Variants in SYNPO2 observed in about 807,000 individuals in gnomAD.
SYNPO2 encodes the protein synaptopodin-2.
In SYNPO2, 56 loss-of-function variants were observed where a neutral mutation model predicts 85.0. The observed-to-expected ratio is 0.66, with a 90% CI of 0.53 to 0.82. SYNPO2 has a LOEUF of 0.82. SYNPO2 is among the 40% of genes least tolerant of loss of function. The pLI is 0.00. For missense variants in SYNPO2, 1,575 were observed against 1,534.2 expected (o/e 1.03, Z -0.44); for synonymous variants, 602 against 591.1 (o/e 1.02, Z -0.27).
In SYNPO2 at chr4:119,008,461, C is replaced by T. The variant is rs570081047; in HGVS notation, c.106-14969C>T. ...TTTTTTTTTTTTTTCCTTGGCAAAG[C>T]AAGCTTTGAATGAAATGTCTTAGCA... is the stretch of plus-strand genomic sequence containing the variant. On this transcript the variant is annotated intron_variant, in intron 1 of 4. Coordinates refer to ENST00000307142, the MANE Select transcript of SYNPO2 (RefSeq NM_133477.3). 2.7e-5 allele frequency among the ~76,000 whole-genome samples: 4 copies of T among 150,070 alleles called. No homozygotes were observed. The East Asian group carries it at 5.8e-4, about 22-fold the overall frequency.
chr4:118,953,535 G>T (rs552944474), intron 1 of SYNPO2, among the ~76,000 whole-genome samples: 1 of 151,570 alleles, frequency 6.6e-6, no homozygotes, highest in South Asian at 2.1e-4. Context: ...AGTGGCAGAG[G>T]TATTATCAAC....
At chr4:118,919,793 G>A (rs1441921643) in intron 1 of SYNPO2, among the ~76,000 whole-genome samples, 1 of 152,190 alleles carries the variant, frequency 6.6e-6, no homozygotes, top group Non-Finnish European at 1.5e-5. Flanking sequence ...AGCACGATCT[G>A]TTAAAGAGAC....
At chr4:119,056,453 A>G (rs1382526877) in intron 4 of SYNPO2, among the ~76,000 whole-genome samples, 1 of 152,100 alleles carries the variant, frequency 6.6e-6, no homozygotes, top group Non-Finnish European at 1.5e-5. Context: ...ATTACTTGGG[A>G]GGCTGAGGCA....
chr4:118,893,326 T>C (rs531352200), intron 1 of SYNPO2, among the ~76,000 whole-genome samples: 1 of 152,332 alleles, frequency 6.6e-6, no homozygotes, highest in South Asian at 2.1e-4. Flanking sequence ...ACTTTGCCAT[T>C]AGCTGGACGT....
At chr4:118,921,240 G>A (rs141740400) in intron 1 of SYNPO2, among the ~76,000 whole-genome samples, 22 of 152,032 alleles carry the variant, frequency 1.4e-4, no homozygotes, top group African/African-American at 4.3e-4. Flanking sequence ...CTTAAATGTT[G>A]GTATTCTGTA....
chr4:118,923,310 A>C (rs1400429904), intron 1 of SYNPO2, among the ~76,000 whole-genome samples: 1 of 152,100 alleles, frequency 6.6e-6, no homozygotes. Flanking sequence ...ACCAAATATC[A>C]TATGTTCCCA....
At chr4:118,949,700 G>T (rs928227457) in intron 1 of SYNPO2, among the ~76,000 whole-genome samples, 2 of 151,978 alleles carry the variant, frequency 1.3e-5, no homozygotes, top group East Asian at 1.9e-4. Context: ...AGTGAGCCCA[G>T]ATCAAGCCAC....
rs202033187 is a variant in SYNPO2, at chr4:119,030,666, G to A, written c.1891G>A (p.Ala631Thr). 4.3e-6 allele frequency: 7 copies of A among 1,614,084 alleles called. No homozygotes were observed. In the East Asian group the frequency reaches 6.7e-5, roughly 15 times the overall value. ...CTCTGCAGTCACTCCTCCCCCTGACGCCTTCTCCAGAGGGGTTTCAAGTCC... is the reference window on the plus strand; with the variant it reads ...CTCTGCAGTCACTCCTCCCCCTGACACCTTCTCCAGAGGGGTTTCAAGTCC... ...PYSAVTPPPD[A>T]FSRGVSSPIA... Residue 631 changes from alanine (A) to threonine (T), a missense_variant, in exon 4 of 5, where the codon GCC becomes ACC. Coordinates refer to ENST00000307142, the MANE Select transcript of SYNPO2 (RefSeq NM_133477.3).
At chr4:118,975,679 C>G (rs1039098453) in intron 1 of SYNPO2, among the ~76,000 whole-genome samples, 4 of 152,200 alleles carry the variant, frequency 2.6e-5, no homozygotes, top group Non-Finnish European at 5.9e-5. Flanking sequence ...GATATAGTTA[C>G]AGGATTAGTT....
At chr4:118,884,857 C>T (rs1732171030), upstream of SYNPO2, among the ~76,000 whole-genome samples, 1 of 152,152 alleles carries the variant, frequency 6.6e-6, no homozygotes, top group Admixed American at 6.5e-5. Context: ...CTCCTAGTCT[C>T]ACAGGGTTAA....
At chr4:119,033,985 A>G (rs1054186910) in intron 4 of SYNPO2, 29 of 985,300 alleles carry the variant, frequency 2.9e-5, no homozygotes, top group Non-Finnish European at 3.1e-5. Context: ...CTTTTGGTGG[A>G]AATTTACCTA....
At chr4:118,967,990 G>A (rs1735380761) in intron 1 of SYNPO2, among the ~76,000 whole-genome samples, 2 of 152,106 alleles carry the variant, frequency 1.3e-5, no homozygotes, top group African/African-American at 2.4e-5. Context: ...AAAAATATGT[G>A]ACATTCAATG....
At chr4:119,035,431 T>A in intron 4 of SYNPO2, 1 of 985,396 alleles carries the variant, frequency 1.0e-6, no homozygotes, top group South Asian at 4.7e-5. Flanking sequence ...TTTTGACACA[T>A]CCTGTTTTTT....
chr4:118,859,050 A>C (rs1731561632), intron 1 of SYNPO2, among the ~76,000 whole-genome samples: 1 of 152,202 alleles, frequency 6.6e-6, no homozygotes, highest in African/African-American at 2.4e-5. Context: ...GCATCTTATA[A>C]CATGGACACA....
At chr4:118,943,489 T>C (rs1015437730) in intron 1 of SYNPO2, among the ~76,000 whole-genome samples, 3 of 152,224 alleles carry the variant, frequency 2.0e-5, no homozygotes, top group African/African-American at 7.2e-5. Context: ...AACAATTATA[T>C]AGAATTTATA....
At chr4:119,005,066 A>T (rs904301830) in intron 1 of SYNPO2, among the ~76,000 whole-genome samples, 1 of 151,864 alleles carries the variant, frequency 6.6e-6, no homozygotes, top group Non-Finnish European at 1.5e-5. Flanking sequence ...CCACTTGTTG[A>T]TGGGGTTGTT....
intron 1 of SYNPO2, among the ~76,000 whole-genome samples, chr4:118,976,846 C>T (rs1403104776): frequency 6.6e-6 from 1 of 152,220 alleles, no homozygotes; most frequent in South Asian, 2.1e-4. Context: ...CTCACCAGAG[C>T]AGCTAGATAC....
At chr4:118,939,622 T>C (rs376122758) in intron 1 of SYNPO2, among the ~76,000 whole-genome samples, 5 of 152,192 alleles carry the variant, frequency 3.3e-5, no homozygotes, top group African/African-American at 1.2e-4. Context: ...GGCGCTCCTA[T>C]TATGAGAGAG....
chr4:118,934,240 C>T (rs531994298), intron 1 of SYNPO2, among the ~76,000 whole-genome samples: 7 of 152,244 alleles, frequency 4.6e-5, no homozygotes, highest in South Asian at 2.1e-4. Flanking sequence ...CCCGTGTAAT[C>T]GAAAAGTCCA....
Sources: gnomAD v4.1 joint callset for allele counts (sites outside exome capture counted in the v4.1 genomes callset) on GRCh38, gnomAD v4.1.1 for gene constraint, MANE v1.5 for transcripts, NCBI Gene and HGNC (gene_info 2026-07-23, HGNC 2026-07-21) for gene names.